The following ABAT variants were observed in gnomAD, a reference collection of about 807,000 sequenced individuals.
ABAT encodes the protein 4-aminobutyrate aminotransferase, mitochondrial.
A neutral mutation model predicts 64.6 loss-of-function variants in ABAT; 45 were observed. The observed-to-expected ratio is 0.70, with a 90% CI of 0.55 to 0.89. The LOEUF is 0.89. Ranked by LOEUF, ABAT falls within the 40% of genes least tolerant of loss-of-function variation. ABAT has a pLI of 0.00. For synonymous variants in ABAT, 297 were observed against 250.5 expected, an observed-to-expected ratio of 1.19 and a Z score of -1.75; for missense variants, 633 against 658.4, an observed-to-expected ratio of 0.96 and a Z score of 0.42.
intron 3 of ABAT, among the ~76,000 whole-genome samples, chr16:8,747,763 A>G (rs2059374185): frequency 6.6e-6 from 1 of 152,202 alleles, no homozygotes; most frequent in African/African-American, 2.4e-5. Context: ...TTCTTAATGA[A>G]GTGTTAACAC....
chr16:8,774,590 G>T (rs1596471486), intron 12 of ABAT, among the ~76,000 whole-genome samples: 1 of 152,252 alleles, frequency 6.6e-6, no homozygotes, highest in East Asian at 1.9e-4. Context: ...ACCCGAGACT[G>T]AAGCCAGATG....
intron 1 of ABAT, among the ~76,000 whole-genome samples, chr16:8,735,314 C>T (rs761734302): frequency 2.0e-4 from 30 of 151,752 alleles, no homozygotes; most frequent in South Asian, 4.2e-4. Context: ...AGCAGTGGCG[C>T]GATTATGGCT....
chr16:8,757,631 A>G, intron 5 of ABAT, 126 bp from the exon 6 acceptor site: 1 of 1,072,328 alleles, frequency 9.3e-7, no homozygotes, highest in Non-Finnish European at 1.4e-6. Context: ...ACAAAGGATA[A>G]AAGACCCTTT....
chr16:8,735,363 C>G (rs1449281727), intron 1 of ABAT, among the ~76,000 whole-genome samples: 2 of 151,788 alleles, frequency 1.3e-5, no homozygotes, highest in Non-Finnish European at 2.9e-5. Context: ...GCGATCCTAC[C>G]ACATCAGCCT....
chr16:8,739,418 G>C (rs893065990), intron 2 of ABAT, among the ~76,000 whole-genome samples: 4 of 152,138 alleles, frequency 2.6e-5, no homozygotes, highest in Admixed American at 6.6e-5. Context: ...TCTTGCATTA[G>C]AAGAAATGGT....
intron 1 of ABAT, among the ~76,000 whole-genome samples, chr16:8,725,663 T>C (rs2058529561): frequency 6.6e-6 from 1 of 152,240 alleles, no homozygotes; most frequent in South Asian, 2.1e-4. Flanking sequence ...CGCTTGTGAA[T>C]AGTGCTGCTA....
At chr16:8,710,932 A>G (rs1730937) in intron 1 of ABAT, among the ~76,000 whole-genome samples, 104,933 of 152,084 alleles carry the variant, frequency 0.69, 37,140 homozygotes, top group East Asian at 0.89. Context: ...AGCAACCAAC[A>G]TTAATCACTT....
intron 8 of ABAT, 65 bp from the exon 9 acceptor site, chr16:8,766,143 T>A (rs182585895): frequency 2.2e-4 from 331 of 1,493,540 alleles, no homozygotes; most frequent in Non-Finnish European, 2.9e-4. Context: ...TCGGTTTGGT[T>A]GGAAAGATGA....
intron 1 of ABAT, among the ~76,000 whole-genome samples, chr16:8,675,797 C>T (rs946302143): frequency 6.6e-6 from 1 of 152,206 alleles, no homozygotes; most frequent in Admixed American, 6.5e-5. Flanking sequence ...CGCACAAAGG[C>T]TGTGTTCAAT....
intron 1 of ABAT, 146 bp downstream of exon 1, chr16:8,674,857 C>G (rs527831711): frequency 1.2e-4 from 18 of 152,596 alleles, no homozygotes; most frequent in African/African-American, 4.1e-4. Context: ...GGGCCCTCCC[C>G]CGAAAAGACA....
At chr16:8,725,365 G>A (rs977094458) in intron 1 of ABAT, among the ~76,000 whole-genome samples, 1 of 152,048 alleles carries the variant, frequency 6.6e-6, no homozygotes, top group Non-Finnish European at 1.5e-5. Context: ...CCATTAAGCA[G>A]TCATCTCTCA....
At position 8,781,213 on chromosome 16, in the gene ABAT, G is replaced by C. The variant is rs539120182; in HGVS notation, c.1382-96G>C. On this transcript the variant is annotated intron_variant, in intron 15 of 15. Coordinates refer to ENST00000268251, the MANE Select transcript of ABAT (RefSeq NM_020686.6). The surrounding 1 kb of genome is among the most constrained non-coding windows in gnomAD (Gnocchi z 4.5). Reference sequence around the variant, plus strand: ...ATGATGGATGGATGGATGGATGGATGGATGAGCGTTGCCAACAGGCATCAC... The same window carrying C: ...ATGATGGATGGATGGATGGATGGATCGATGAGCGTTGCCAACAGGCATCAC... 566 of 1,576,496 alleles carry C rather than the reference G, an allele frequency of 3.6e-4. 5 individuals carry two copies. In the African/African-American group the frequency reaches 6.5e-3, roughly 18 times the overall value.
intron 1 of ABAT, among the ~76,000 whole-genome samples, chr16:8,717,893 G>T (rs1379574146): frequency 7.3e-5 from 11 of 151,676 alleles, no homozygotes; most frequent in Admixed American, 7.2e-4. Flanking sequence ...GGGCTCAAGC[G>T]ATCCTCTCAC....
chr16:8,737,015 T>A (rs1329677078), intron 2 of ABAT: 2 of 152,452 alleles, frequency 1.3e-5, no homozygotes, highest in African/African-American at 4.8e-5. Context: ...TCACAGCCCC[T>A]GTGCTTGTCA....
intron 15 of ABAT, chr16:8,780,891 C>T: frequency 2.3e-6 from 1 of 440,416 alleles, no homozygotes; most frequent in South Asian, 2.2e-5. Context: ...CTCACACATG[C>T]TTCCGACTCA....
At chr16:8,759,010 G>A (rs1228849493) in intron 6 of ABAT, among the ~76,000 whole-genome samples, 2 of 152,122 alleles carry the variant, frequency 1.3e-5, no homozygotes, top group African/African-American at 4.8e-5. Flanking sequence ...GCTGAGGCAG[G>A]AGAATTGCTT....
chr16:8,776,620 C>G lies in ABAT; in HGVS notation c.1269+130C>G. 9.8e-7 allele frequency: 1 copy of G among 1,025,514 alleles called. No individual in the cohort carries two copies. The highest frequency in any genetic ancestry group is 1.4e-5 in the South Asian group (1 of 70,626). 63.5% of individuals were successfully genotyped at this position (1,025,514 alleles called of 1,614,324 possible). ...GCAGTTCGTAACGGGCTGTGCTGCT[C>G]CTAGCCTTGGGGGCTTTGCACATGC... On this transcript the variant is annotated intron_variant, in intron 14 of 15. Transcript: ENST00000268251. This position sits in a 1 kb window ranked among gnomAD's most constrained non-coding sequence, Gnocchi z 4.4.
chr16:8,677,759 G>A (rs942154723), intron 1 of ABAT, among the ~76,000 whole-genome samples: 2 of 152,168 alleles, frequency 1.3e-5, no homozygotes, highest in Non-Finnish European at 2.9e-5. Context: ...ATTGAGAACT[G>A]CTGGTCTAAT....
intron 1 of ABAT, among the ~76,000 whole-genome samples, chr16:8,697,307 T>C (rs1210972150): frequency 6.6e-6 from 1 of 152,118 alleles, no homozygotes; most frequent in African/African-American, 2.4e-5. Context: ...CAATTAGAGA[T>C]GTTTGGTAGG....
Sources: gnomAD v4.1 joint callset for allele counts (sites outside exome capture counted in the v4.1 genomes callset) on GRCh38, gnomAD v4.1.1 for gene constraint, Gnocchi (gnomAD v3.1) non-coding constraint, MANE v1.5 for transcripts, NCBI Gene and HGNC (gene_info 2026-07-23, HGNC 2026-07-21) for gene names.